Variants in NRG3 observed in about 807,000 individuals in gnomAD.
The protein encoded by NRG3 is pro-neuregulin-3, membrane-bound isoform.
NRG3 carries 31 observed loss-of-function variants against 66.9 expected under a neutral mutation model. The ratio of observed to expected loss-of-function variants is 0.46; its 90% CI spans 0.35 to 0.63. The LOEUF is 0.63. NRG3 is among the 20% of genes least tolerant of loss of function. The pLI, the probability that NRG3 is intolerant of heterozygous loss-of-function variation, is 0.00. For missense variants in NRG3, 910 were observed against 878.9 expected (o/e 1.04, Z -0.45); for synonymous variants, 393 against 359.4 (o/e 1.09, Z -1.06).
chr10:81,942,272 G>A (rs1352321437), intron 1 of NRG3, among the ~76,000 whole-genome samples: 3 of 152,000 alleles, frequency 2.0e-5, no homozygotes, highest in East Asian at 1.9e-4. Flanking sequence ...TTGTGAACAC[G>A]TTCTTGGAAA....
intron 1 of NRG3, among the ~76,000 whole-genome samples, chr10:82,236,583 C>T (rs1447370755): frequency 6.6e-6 from 1 of 152,150 alleles, no homozygotes; most frequent in Non-Finnish European, 1.5e-5. Context: ...TATCTTTACT[C>T]AGTCCACTTC....
intron 5 of NRG3, among the ~76,000 whole-genome samples, chr10:82,952,469 C>CTG (rs1432706366): frequency 2.0e-4 from 7 of 35,382 alleles, no homozygotes; most frequent in African/African-American, 4.8e-4. Flanking sequence ...CTCTCTCTCT[C>CTG]TCTGTGTGTG....
At chr10:81,981,745 A>G (rs866644766) in intron 1 of NRG3, among the ~76,000 whole-genome samples, 1 of 152,144 alleles carries the variant, frequency 6.6e-6, no homozygotes, top group Non-Finnish European at 1.5e-5. Context: ...GATGGATAAC[A>G]TATGTTTACA....
At chr10:82,043,186 G>A (rs2063121326) in intron 1 of NRG3, among the ~76,000 whole-genome samples, 1 of 151,980 alleles carries the variant, frequency 6.6e-6, no homozygotes. Context: ...ATGTTGATGA[G>A]TCTCTTAGTG....
chr10:81,969,622 T>G (rs2059852688), intron 1 of NRG3, among the ~76,000 whole-genome samples: 1 of 152,228 alleles, frequency 6.6e-6, no homozygotes, highest in African/African-American at 2.4e-5. Flanking sequence ...GTAAGTTACC[T>G]TTCCCGTCAC....
At chr10:81,903,997 T>TA (rs201025667) in intron 1 of NRG3, among the ~76,000 whole-genome samples, 2,365 of 85,090 alleles carry the variant, frequency 0.028, 23 homozygotes, top group Non-Finnish European at 0.035. Context: ...TATATATATA[T>TA]TTTTTTTTTT....
At chr10:82,349,945 C>T (rs2083321114) in intron 1 of NRG3, among the ~76,000 whole-genome samples, 1 of 152,188 alleles carries the variant, frequency 6.6e-6, no homozygotes, top group Non-Finnish European at 1.5e-5. Context: ...CGCGCACCCA[C>T]TGACCTGCGC....
At chr10:82,873,071 T>C (rs1456141474) in intron 4 of NRG3, among the ~76,000 whole-genome samples, 1 of 152,180 alleles carries the variant, frequency 6.6e-6, no homozygotes, top group Admixed American at 6.5e-5. Flanking sequence ...ACCTAATGTC[T>C]GTAAAACTGT....
At chr10:82,350,770 C>T (rs1441419846) in intron 1 of NRG3, among the ~76,000 whole-genome samples, 1 of 152,038 alleles carries the variant, frequency 6.6e-6, no homozygotes, top group African/African-American at 2.4e-5. Context: ...TCTCTGATGG[C>T]TTGTGTGGGG....
At chr10:82,499,675 A>C (rs1233282285) in intron 2 of NRG3, among the ~76,000 whole-genome samples, 1 of 152,186 alleles carries the variant, frequency 6.6e-6, no homozygotes, top group Non-Finnish European at 1.5e-5. Context: ...AAGTTATATA[A>C]GCTGAATATG....
At chr10:82,004,739 C>A (rs1043256439) in intron 1 of NRG3, among the ~76,000 whole-genome samples, 2 of 152,114 alleles carry the variant, frequency 1.3e-5, no homozygotes, top group Admixed American at 1.3e-4. Context: ...GGGCCCTAAT[C>A]CAGTATGATC....
chr10:82,214,092 A>G (rs2075544998), intron 1 of NRG3, among the ~76,000 whole-genome samples: 1 of 152,168 alleles, frequency 6.6e-6, no homozygotes, highest in Non-Finnish European at 1.5e-5. Context: ...TGTTTTTTTA[A>G]AAGAAAAGAG....
intron 2 of NRG3, among the ~76,000 whole-genome samples, chr10:82,413,737 G>T (rs1420251253): frequency 2.6e-5 from 4 of 152,090 alleles, no homozygotes; most frequent in African/African-American, 9.7e-5. Flanking sequence ...TTGATTACTT[G>T]CTGTTCCTTC....
At chr10:82,162,055 C>T (rs1172473721) in intron 1 of NRG3, among the ~76,000 whole-genome samples, 2 of 152,052 alleles carry the variant, frequency 1.3e-5, no homozygotes, top group East Asian at 3.9e-4. Context: ...TTCCAGAATG[C>T]AATGGAAAAT....
At chr10:82,977,454 C>T (rs1200071633) in intron 7 of NRG3, among the ~76,000 whole-genome samples, 1 of 151,904 alleles carries the variant, frequency 6.6e-6, no homozygotes, top group Non-Finnish European at 1.5e-5. Context: ...ACTAAAAATA[C>T]AAAAATTAGC....
chr10:82,862,592 C>T (rs1482967426), intron 3 of NRG3, among the ~76,000 whole-genome samples: 2 of 152,076 alleles, frequency 1.3e-5, no homozygotes, highest in African/African-American at 4.8e-5. Flanking sequence ...CCCTTCAAGA[C>T]CCTAGGGGCT....
intron 1 of NRG3, among the ~76,000 whole-genome samples, chr10:82,287,538 C>A (rs903271408): frequency 5.3e-5 from 8 of 151,562 alleles, no homozygotes; most frequent in Non-Finnish European, 1.2e-4. Flanking sequence ...AAGAGGAGGT[C>A]TTTGGTAGGA....
In NRG3 at chr10:81,922,805, A is replaced by T. The variant is rs548889012; in HGVS notation, c.823+46642A>T. Among the ~76,000 whole-genome samples, 908 of 152,258 alleles carry T rather than the reference A, an allele frequency of 6.0e-3. 4 individuals carry two copies. Among genetic ancestry groups the T allele is most frequent in the African/African-American group, 0.012 (495 of 41,546 alleles). ...ATGATTGTTCTTAAAAATATTTTTA[A>T]ATGTCCCAAATATTTGCTGACAGAT... On this transcript the variant is annotated intron_variant, in intron 1 of 8. Transcript: ENST00000372141.
chr10:82,333,383 G>A (rs542697149), intron 1 of NRG3, among the ~76,000 whole-genome samples: 3 of 152,212 alleles, frequency 2.0e-5, no homozygotes, highest in Non-Finnish European at 4.4e-5. Flanking sequence ...CTGGGGAAAA[G>A]TACACAGCTG....
Sources: allele counts gnomAD v4.1 joint callset (sites outside exome capture counted in the v4.1 genomes callset), GRCh38; gene constraint gnomAD v4.1.1; transcripts MANE v1.5; gene names NCBI Gene and HGNC (gene_info 2026-07-23, HGNC 2026-07-21).